RUBCNL: variants seen among roughly 807,000 people sequenced by gnomAD.
The protein encoded by RUBCNL is protein associated with UVRAG as autophagy enhancer.
A neutral mutation model predicts 69.5 loss-of-function variants in RUBCNL; 62 were observed. The ratio of observed to expected loss-of-function variants is 0.89; its 90% CI spans 0.73 to 1.10. The LOEUF (loss-of-function observed/expected upper bound fraction) is 1.10. Among genes scored for constraint, RUBCNL ranks in the 50% least tolerant of loss-of-function variants. The pLI, the probability that RUBCNL is intolerant of heterozygous loss-of-function variation, is 0.00. For missense variants in RUBCNL, 768 were observed against 798.1 expected (o/e 0.96, Z 0.45); for synonymous variants, 291 against 303.6 (o/e 0.96, Z 0.43).
chr13:46,363,803 G>A (rs1435799459), intron 5 of RUBCNL, among the ~76,000 whole-genome samples: 1 of 151,336 alleles, frequency 6.6e-6, no homozygotes, highest in Non-Finnish European at 1.5e-5. Flanking sequence ...GGAGATTGTA[G>A]TGAGCTGAGA....
rs552533206 is a variant in RUBCNL, at chr13:46,336,873, C to A, written c.*6512G>T. On this transcript the variant is annotated 3_prime_UTR_variant, in exon 15 of 15. Transcript: ENST00000429979. ...AGAATTTTTTTCTCTCTGCATATTC[C>A]TTTATTTTTTAATGTAAGGAATACT... is the stretch of plus-strand genomic sequence containing the variant. Among the ~76,000 whole-genome samples the A allele has an allele frequency of 1.8e-4, 27 of 151,870 alleles. 2 individuals carry two copies. Among genetic ancestry groups the A allele is most frequent in the East Asian group, 7.7e-4 (4 of 5,172 alleles).
chr13:46,376,252 G>C (rs983077792), intron 2 of RUBCNL, among the ~76,000 whole-genome samples: 3 of 151,920 alleles, frequency 2.0e-5, no homozygotes, highest in Non-Finnish European at 4.4e-5. Context: ...ATTGTGAAGG[G>C]TCAACTCTAT....
At chr13:46,381,515 A>G (rs115707790) in intron 1 of RUBCNL, among the ~76,000 whole-genome samples, 85 of 152,280 alleles carry the variant, frequency 5.6e-4, no homozygotes, top group African/African-American at 1.9e-3. Context: ...TATAAAATCA[A>G]CTGTGGTAAT....
chr13:46,368,802 G>A lies in RUBCNL; in HGVS notation c.549C>T (p.Val183=), dbSNP rs765780034. The A allele has an allele frequency of 6.2e-7, 1 of 1,613,438 alleles. No homozygotes were observed. Among genetic ancestry groups the A allele is most frequent in the Non-Finnish European group, 8.5e-7 (1 of 1,179,552 alleles). Residue 183 remains valine, a synonymous_variant, in exon 4 of 15, where the codon GTC becomes GTT. Coordinates refer to ENST00000429979, the MANE Select transcript of RUBCNL (RefSeq NM_025113.5). ...AATTCGAAGAAATGGTTCTTCTACTGACTTGAACAGCACCTGCCAATATAG... is the reference window on the plus strand; with the variant it reads ...AATTCGAAGAAATGGTTCTTCTACTAACTTGAACAGCACCTGCCAATATAG... The part of the protein sequence containing the change: ...TSAADEGAVQ[V]SRRTISSNSF...
At chr13:46,363,635 T>C (rs2048681886) in intron 5 of RUBCNL, among the ~76,000 whole-genome samples, 1 of 152,084 alleles carries the variant, frequency 6.6e-6, no homozygotes, top group Non-Finnish European at 1.5e-5. Context: ...GGAGAATCAC[T>C]TGAGCCCAGG....
At chr13:46,344,081 A>G (rs1439630351) in intron 14 of RUBCNL, among the ~76,000 whole-genome samples, 1 of 152,180 alleles carries the variant, frequency 6.6e-6, no homozygotes, top group Non-Finnish European at 1.5e-5. Flanking sequence ...TATTAAGTTG[A>G]AGAACATGAA....
At position 46,341,779 on chromosome 13, in the gene RUBCNL, C is replaced by T. The variant is rs1468179753; in HGVS notation, c.*1606G>A. ...AAAAGACACCACAAAAGAAGCAGGG[C>T]CTAAGCATGGGCTTTGGAGGCAGGT... On this transcript the variant is annotated 3_prime_UTR_variant, in exon 15 of 15. Transcript: ENST00000429979. Among the ~76,000 whole-genome samples the T allele has an allele frequency of 6.6e-6, 1 of 152,230 alleles. No homozygotes were observed. The highest frequency in any genetic ancestry group is 1.5e-5 in the Non-Finnish European group (1 of 68,040).
intron 12 of RUBCNL, among the ~76,000 whole-genome samples, chr13:46,347,944 G>A (rs1422498602): frequency 6.6e-6 from 1 of 152,006 alleles, no homozygotes; most frequent in Non-Finnish European, 1.5e-5. Flanking sequence ...AGTGAGCCGA[G>A]ATCGCGCCAC....
chr13:46,368,050 C>T lies in RUBCNL; in HGVS notation c.818G>A (p.Gly273Asp). 6.2e-7 allele frequency: 1 copy of T among 1,613,750 alleles called. No individual in the cohort carries two copies. The highest frequency in any genetic ancestry group is 8.5e-7 in the Non-Finnish European group (1 of 1,179,736). ...ATATTTGCCCAACTTGCCTTCATAG[C>T]CACTGTATGAAGAAGTAGAAGACCC... ...ESGSSTSSYSGYEGCAVLQVS... is the reference protein window; with the variant it reads ...ESGSSTSSYSDYEGCAVLQVS... Residue 273 changes from glycine to aspartate, a missense_variant, in exon 5 of 15, where the codon GGC becomes GAC. Gly to Asp is a moderately conservative substitution (Grantham distance 94). Transcript: ENST00000429979.
chr13:46,366,313 T>C (rs1227484443), intron 5 of RUBCNL, among the ~76,000 whole-genome samples: 1 of 152,208 alleles, frequency 6.6e-6, no homozygotes, highest in African/African-American at 2.4e-5. Flanking sequence ...GTTGTTGAGA[T>C]GTGACCTGGC....
chr13:46,383,139 T>C (rs1449585515), intron 1 of RUBCNL, among the ~76,000 whole-genome samples: 1 of 152,242 alleles, frequency 6.6e-6, no homozygotes, highest in African/African-American at 2.4e-5. Context: ...TTCATTGTAC[T>C]ATTCTATGTT....
chr13:46,345,101 A>G (rs1471706850), intron 13 of RUBCNL, among the ~76,000 whole-genome samples: 1 of 152,240 alleles, frequency 6.6e-6, no homozygotes, highest in Non-Finnish European at 1.5e-5. Context: ...AATTTCATTT[A>G]TCATTGCTGC....
In RUBCNL at chr13:46,335,715, C is replaced by G. The variant is rs774925406; in HGVS notation, c.*7670G>C. On this transcript the variant is annotated 3_prime_UTR_variant, in exon 15 of 15. Transcript: ENST00000429979. ...ACTAAGATATATTTTGTAGGTAGAG[C>G]TGACAGAAGTTACTGATGGACTGGA... Among the ~76,000 whole-genome samples, 2 of 152,112 alleles carry G rather than the reference C, an allele frequency of 1.3e-5. No homozygotes were observed. The highest frequency in any genetic ancestry group is 4.8e-5 in the African/African-American group (2 of 41,408).
Position 46,356,455 on chromosome 13 carries a change from C to A in RUBCNL, c.1307G>T (p.Gly436Val). The A allele has an allele frequency of 6.2e-7, 1 of 1,613,936 alleles. No homozygotes were observed. The highest frequency in any genetic ancestry group is 1.6e-4 in the Middle Eastern group (1 of 6,062). Residue 436 changes from glycine to valine, a missense_variant, in exon 10 of 15, where the codon GGC (glycine) becomes GTC (valine). Coordinates refer to ENST00000429979, the MANE Select transcript of RUBCNL (RefSeq NM_025113.5). ...VVAAQNFFCA[G>V]CGTPVEPKFV... ...ACTAGGCTCTACTGGAGTTCCACAG[C>A]CGGCACAGAAAAAATTCTGGGCTGC... is the stretch of plus-strand genomic sequence containing the variant.
At chr13:46,344,656 T>C (rs1297761188) in intron 14 of RUBCNL, 85 bp downstream of exon 14, 4 of 866,854 alleles carry the variant, frequency 4.6e-6, no homozygotes, top group Non-Finnish European at 7.4e-6. Context: ...ATTATTCAGC[T>C]TAAGTTAATT....
chr13:46,367,758 G>A (rs73188896), intron 5 of RUBCNL, among the ~76,000 whole-genome samples: 18 of 152,210 alleles, frequency 1.2e-4, no homozygotes, highest in Admixed American at 3.3e-4. Flanking sequence ...ACCATCCTGA[G>A]TAGGATGATG....
rs2048125442 is a variant in RUBCNL, at chr13:46,339,403, AG to A, written c.*3981del. ...CCCTCCTTTGGCGATGAGTTCAGGA[AG>A]GCTTCCTGCAGGTAGCATCTGACGG... On this transcript the variant is annotated 3_prime_UTR_variant, in exon 15 of 15. Transcript: ENST00000429979. 6.6e-6 allele frequency among the ~76,000 whole-genome samples: 1 copy of A among 152,212 alleles called. No homozygotes were observed. Among genetic ancestry groups the A allele is most frequent in the African/African-American group, 2.4e-5 (1 of 41,452 alleles).
At chr13:46,344,647 T>C (rs1018772507) in intron 14 of RUBCNL, 94 bp downstream of exon 14, 2 of 784,940 alleles carry the variant, frequency 2.5e-6, no homozygotes, top group African/African-American at 3.5e-5. Flanking sequence ...TATTAAGCTA[T>C]TATTCAGCTT....
chr13:46,376,459 G>A (rs1013885022), intron 2 of RUBCNL, among the ~76,000 whole-genome samples: 2 of 152,034 alleles, frequency 1.3e-5, no homozygotes, highest in Admixed American at 6.6e-5. Context: ...ATATCACAGA[G>A]TACAGCTGGT....
Sources: allele counts gnomAD v4.1 joint callset (sites outside exome capture counted in the v4.1 genomes callset), GRCh38; gene constraint gnomAD v4.1.1; transcripts MANE v1.5; gene names NCBI Gene and HGNC (gene_info 2026-07-23, HGNC 2026-07-21).